The following FBLN5 variants were observed in gnomAD, a reference collection of about 807,000 sequenced individuals.
FBLN5 encodes fibulin-5.
Under a neutral mutation model 61.6 loss-of-function variants are expected in FBLN5, and 24 were observed. That is an observed-to-expected ratio of 0.39 (90% CI 0.28 to 0.55). The LOEUF (loss-of-function observed/expected upper bound fraction) is 0.55. FBLN5 is among the 20% of genes least tolerant of loss of function. The pLI, the probability that FBLN5 is intolerant of heterozygous loss-of-function variation, is 0.65. For missense variants in FBLN5, 470 were observed against 594.1 expected (o/e 0.79, Z 2.17); for synonymous variants, 213 against 219.8 (o/e 0.97, Z 0.27).
intron 10 of FBLN5, among the ~76,000 whole-genome samples, chr14:91,871,549 C>T (rs537943078): frequency 3.3e-4 from 50 of 152,286 alleles, no homozygotes; most frequent in African/African-American, 1.2e-3. Flanking sequence ...TGTTTATGTA[C>T]ATCTGCTTAT....
At chr14:91,883,171 T>A in intron 7 of FBLN5, 95 bp from the exon 8 acceptor site, 1 of 1,412,232 alleles carries the variant, frequency 7.1e-7, no homozygotes, top group South Asian at 1.2e-5. Flanking sequence ...ACTGTCTTGA[T>A]ACATACAATG....
At chr14:91,944,716 A>T (rs572904268) in intron 1 of FBLN5, among the ~76,000 whole-genome samples, 3 of 152,378 alleles carry the variant, frequency 2.0e-5, no homozygotes, top group East Asian at 3.9e-4. Flanking sequence ...CAAAGTCTGC[A>T]TGGGTCCATT....
At chr14:91,898,323 T>C (rs1890310353) in intron 4 of FBLN5, among the ~76,000 whole-genome samples, 1 of 152,040 alleles carries the variant, frequency 6.6e-6, no homozygotes, top group South Asian at 2.1e-4. Flanking sequence ...ACGGCAAACA[T>C]CAATCCCTCG....
chr14:91,897,443 G>A (rs1185818092), intron 4 of FBLN5, among the ~76,000 whole-genome samples: 1 of 152,228 alleles, frequency 6.6e-6, no homozygotes, highest in African/African-American at 2.4e-5. Context: ...GAACAACACT[G>A]CCTTAGGAAT....
chr14:91,927,178 T>C (rs1205379431), intron 4 of FBLN5, among the ~76,000 whole-genome samples: 1 of 152,228 alleles, frequency 6.6e-6, no homozygotes, highest in African/African-American at 2.4e-5. Flanking sequence ...TCCTCATTTA[T>C]TGTTTCAATC....
chr14:91,888,154 C>T (rs1305107217), intron 6 of FBLN5, among the ~76,000 whole-genome samples: 2 of 151,654 alleles, frequency 1.3e-5, no homozygotes, highest in Non-Finnish European at 2.9e-5. Flanking sequence ...TAAAAATTAG[C>T]CAGGTGATGT....
chr14:91,923,560 G>A (rs927690153), intron 4 of FBLN5, among the ~76,000 whole-genome samples: 2 of 152,108 alleles, frequency 1.3e-5, no homozygotes, highest in South Asian at 2.1e-4. Flanking sequence ...GCCCTTCCTC[G>A]TCTCTGACAT....
At chr14:91,909,742 G>C (rs931174603) in intron 4 of FBLN5, among the ~76,000 whole-genome samples, 4 of 152,178 alleles carry the variant, frequency 2.6e-5, no homozygotes, top group South Asian at 2.1e-4. Flanking sequence ...TCAGCCTCCA[G>C]AACCATGAGC....
chr14:91,895,797 C>CAA (rs60216411), intron 4 of FBLN5, among the ~76,000 whole-genome samples: 1,041 of 63,148 alleles, frequency 0.016, 28 homozygotes, highest in African/African-American at 0.026. Context: ...GACCCTGTCT[C>CAA]AAAAAAAAAA....
Position 91,887,144 on chromosome 14 carries a change from G to T in FBLN5, c.739+49C>A, listed in dbSNP as rs1208485928. 2.5e-6 allele frequency: 4 copies of T among 1,609,198 alleles called. No homozygotes were observed. In the Admixed American group the frequency reaches 6.7e-5, roughly 27 times the overall value. On this transcript the variant is annotated intron_variant, in intron 7 of 10. Transcript: ENST00000342058. ...AGGAAGCCCTTGCCCTTCAACCCCT[G>T]CCCAGGCCCCAAGTACAGGTGGAAG...
intron 4 of FBLN5, among the ~76,000 whole-genome samples, chr14:91,896,539 A>C (rs1006704518): frequency 1.3e-5 from 2 of 152,038 alleles, no homozygotes; most frequent in Non-Finnish European, 2.9e-5. Context: ...ACTTGTATTT[A>C]CTCTCACATC....
intron 9 of FBLN5, among the ~76,000 whole-genome samples, 176 bp downstream of exon 9, chr14:91,881,116 A>G (rs1407081874): frequency 1.1e-5 from 1 of 92,164 alleles, no homozygotes; most frequent in Non-Finnish European, 2.1e-5. Context: ...ACTCTGTTCT[A>G]TTCTACACAC....
intron 4 of FBLN5, among the ~76,000 whole-genome samples, chr14:91,935,852 AC>A (rs747792210): frequency 3.0e-4 from 45 of 152,148 alleles, no homozygotes; most frequent in Non-Finnish European, 5.4e-4. Flanking sequence ...GTAAACATTA[AC>A]CAGCTCTGTC....
intron 3 of FBLN5, chr14:91,940,016 G>A (rs1022912657): frequency 1.6e-4 from 74 of 450,828 alleles, no homozygotes; most frequent in Non-Finnish European, 2.8e-4. Flanking sequence ...CTTTGAGGAT[G>A]GAGGGAGGAG....
At chr14:91,941,386 A>G (rs2056101798) in intron 2 of FBLN5, among the ~76,000 whole-genome samples, 1 of 152,164 alleles carries the variant, frequency 6.6e-6, no homozygotes, top group Non-Finnish European at 1.5e-5. Context: ...TTGAGCTACA[A>G]ATGTATGTAC....
chr14:91,886,655 T>TA (rs1170505104), intron 7 of FBLN5, among the ~76,000 whole-genome samples: 1 of 151,712 alleles, frequency 6.6e-6, no homozygotes, highest in Non-Finnish European at 1.5e-5. Flanking sequence ...ATTCGAGAAC[T>TA]ATTTTTTTTT....
intron 6 of FBLN5, 39 bp from the exon 7 acceptor site, chr14:91,887,351 A>G (rs746036802): frequency 1.1e-5 from 18 of 1,607,078 alleles, no homozygotes; most frequent in Non-Finnish European, 1.5e-5. Flanking sequence ...TGTCCTCCCA[A>G]CAGAACAGCC....
At position 91,943,036 on chromosome 14, in the gene FBLN5, C is replaced by T. The variant is rs1595351328; in HGVS notation, c.18-75G>A. 6.2e-6 allele frequency: 6 copies of T among 968,748 alleles called. No individual in the cohort carries two copies. The African/African-American group carries it at 8.1e-5, about 13-fold the overall frequency. 60.0% of individuals were successfully genotyped at this position (968,748 alleles called of 1,614,324 possible). A position where few individuals can be genotyped will look rare whatever the true frequency, so the allele number is the denominator to read the frequency against. ...AGGGGAGTGTGGGTCGCATGCGGCCCGTGACGTGTAACGGTGATATCACCT... is the reference window on the plus strand; with the variant it reads ...AGGGGAGTGTGGGTCGCATGCGGCCTGTGACGTGTAACGGTGATATCACCT... On this transcript the variant is annotated intron_variant, in intron 1 of 10. Transcript: ENST00000342058. This position sits in a 1 kb window ranked among gnomAD's most constrained non-coding sequence, Gnocchi z 4.0.
intron 6 of FBLN5, among the ~76,000 whole-genome samples, chr14:91,889,104 T>C (rs992456355): frequency 6.6e-6 from 1 of 152,122 alleles, no homozygotes; most frequent in African/African-American, 2.4e-5. Context: ...AATGAACAGC[T>C]GTAGAGAGAG....
Sources: allele counts gnomAD v4.1 joint callset (sites outside exome capture counted in the v4.1 genomes callset), GRCh38; gene constraint gnomAD v4.1.1; non-coding constraint Gnocchi (gnomAD v3.1); transcripts MANE v1.5; gene names NCBI Gene and HGNC (gene_info 2026-07-23, HGNC 2026-07-21).